PLA2G4A: variants seen among roughly 807,000 people sequenced by gnomAD.
The protein encoded by PLA2G4A is cytosolic phospholipase A2.
Under a neutral mutation model 81.9 loss-of-function variants are expected in PLA2G4A, and 40 were observed. The ratio of observed to expected loss-of-function variants is 0.49; its 90% CI spans 0.38 to 0.64. The LOEUF is 0.64. Ranked by LOEUF, PLA2G4A falls within the 30% of genes least tolerant of loss-of-function variation. The pLI is 0.00. For synonymous variants in PLA2G4A, 302 were observed against 296.9 expected (o/e 1.02, Z -0.18); for missense variants, 715 against 905.1 (o/e 0.79, Z 2.69).
Position 186,988,503 on chromosome 1 carries a change from G to A in PLA2G4A, c.2245G>A (p.Ala749Thr), listed in dbSNP as rs759005954. 10 of 1,611,436 alleles carry A rather than the reference G, an allele frequency of 6.2e-6. No individual in the cohort carries two copies. The highest frequency in any genetic ancestry group is 1.1e-5 in the South Asian group (1 of 90,976). Reference protein sequence around the residue: ...FNKEFLSKPKA With the variant: ...FNKEFLSKPKT ...CAAGGAGTTTCTAAGTAAACCCAAA[G>A]CATAGTTCATGTACTGGAAATGGCA... The change falls in exon 18 of 18, where the codon GCA becomes ACA. Residue 749 changes from alanine (A) to threonine (T), a missense_variant. Transcript: ENST00000367466.
chr1:186,984,345 C>G (rs889770075), intron 17 of PLA2G4A, among the ~76,000 whole-genome samples: 12 of 152,180 alleles, frequency 7.9e-5, no homozygotes, highest in African/African-American at 2.9e-4. Flanking sequence ...TTTCTAGGAC[C>G]TGTTAATTTG....
Position 186,880,728 on chromosome 1 carries a change from G to A in PLA2G4A, c.115+10212G>A, listed in dbSNP as rs12720522. Among the ~76,000 whole-genome samples the A allele has an allele frequency of 4.3e-3, 649 of 151,770 alleles. 3 individuals carry two copies. Among genetic ancestry groups the A allele is most frequent in the African/African-American group, 0.015 (619 of 41,416 alleles). The stretch of plus-strand genomic sequence containing the variant: ...TGAATAAATTAATATGTTTTATCAC[G>A]GTATATAAGAATTTCTGGAGAATTA... On this transcript the variant is annotated intron_variant, in intron 3 of 17. Transcript: ENST00000367466.
At chr1:186,962,316 T>C (rs11576330) in intron 14 of PLA2G4A, among the ~76,000 whole-genome samples, 17,689 of 151,926 alleles carry the variant, frequency 0.12, 1,142 homozygotes, top group Middle Eastern at 0.2. Flanking sequence ...GTTTCGCACA[T>C]CCACTGGGGG....
chr1:186,889,298 C>T (rs1194176144), intron 3 of PLA2G4A, among the ~76,000 whole-genome samples: 1 of 152,226 alleles, frequency 6.6e-6, no homozygotes, highest in African/African-American at 2.4e-5. Flanking sequence ...AGATGATCCA[C>T]ATCAGTGTCA....
At chr1:186,911,523 G>A in intron 7 of PLA2G4A, 134 bp downstream of exon 7, 1 of 724,968 alleles carries the variant, frequency 1.4e-6, no homozygotes, top group Non-Finnish European at 2.4e-6. Context: ...GGTAAGGTAA[G>A]TGATTTGTAA....
intron 3 of PLA2G4A, among the ~76,000 whole-genome samples, chr1:186,890,681 C>T (rs1017029696): frequency 2.0e-5 from 3 of 151,776 alleles, no homozygotes; most frequent in Non-Finnish European, 2.9e-5. Flanking sequence ...TGGTGTAACC[C>T]TGTCTCTACT....
chr1:186,966,026 AG>A (rs1657115120), intron 15 of PLA2G4A, among the ~76,000 whole-genome samples: 1 of 151,866 alleles, frequency 6.6e-6, no homozygotes, highest in African/African-American at 2.4e-5. Context: ...TATATTAACA[AG>A]GGGGTTTTTT....
intron 7 of PLA2G4A, among the ~76,000 whole-genome samples, chr1:186,931,129 C>T (rs1655730093): frequency 6.6e-6 from 1 of 152,170 alleles, no homozygotes; most frequent in South Asian, 2.1e-4. Flanking sequence ...CCCCTCCAGA[C>T]AAGCTTTTAA....
At chr1:186,879,172 T>A (rs764168693) in intron 3 of PLA2G4A, among the ~76,000 whole-genome samples, 1 of 151,870 alleles carries the variant, frequency 6.6e-6, no homozygotes, top group South Asian at 2.1e-4. Context: ...ACTTAATATA[T>A]CAATATATTT....
intron 2 of PLA2G4A, among the ~76,000 whole-genome samples, chr1:186,863,536 G>GT (rs1209606173): frequency 6.6e-6 from 1 of 152,046 alleles, no homozygotes; most frequent in African/African-American, 2.4e-5. Context: ...TATGCAGCAT[G>GT]TTACTATTAA....
chr1:186,901,734 T>A (rs977853024), intron 5 of PLA2G4A, among the ~76,000 whole-genome samples: 14 of 152,098 alleles, frequency 9.2e-5, no homozygotes, highest in African/African-American at 3.4e-4. Context: ...CATGAGATTA[T>A]CATCAAATGT....
intron 6 of PLA2G4A, among the ~76,000 whole-genome samples, chr1:186,907,499 C>A (rs981194533): frequency 6.6e-6 from 1 of 152,156 alleles, no homozygotes; most frequent in Admixed American, 6.5e-5. Context: ...AAATGGCCTC[C>A]AAAACTGAAC....
rs556617520 is a variant in PLA2G4A at position 186,956,030 on chromosome 1, G to A, written c.1337-72G>A. On this transcript the variant is annotated intron_variant, in intron 13 of 17. Transcript: ENST00000367466. ...GCTAGGATTACAGGCGTGAGCCACC[G>A]TGCCCAGCCCAAAGATCCCTTTTTA... 7.7e-5 allele frequency: 108 copies of A among 1,400,804 alleles called. No individual in the cohort carries two copies. The Middle Eastern group carries it at 8.0e-4, about 10-fold the overall frequency. 86.8% of individuals were successfully genotyped at this position (1,400,804 alleles called of 1,614,324 possible).
At chr1:186,888,636 C>T (rs957526382) in intron 3 of PLA2G4A, among the ~76,000 whole-genome samples, 2 of 152,186 alleles carry the variant, frequency 1.3e-5, no homozygotes, top group Admixed American at 6.6e-5. Flanking sequence ...TGACTCACTT[C>T]CATAATCCGA....
At chr1:186,870,982 C>T (rs1157103590) in intron 3 of PLA2G4A, among the ~76,000 whole-genome samples, 8 of 152,234 alleles carry the variant, frequency 5.3e-5, no homozygotes, top group Non-Finnish European at 7.4e-5. Context: ...TTTCTTGTGA[C>T]GTACACATCT....
intron 2 of PLA2G4A, among the ~76,000 whole-genome samples, chr1:186,863,688 C>A (rs1412960001): frequency 6.6e-6 from 1 of 152,010 alleles, no homozygotes; most frequent in Non-Finnish European, 1.5e-5. Flanking sequence ...CTCTCTACTT[C>A]TATGGCATCA....
At chr1:186,950,329 AG>A (rs1486958614) in intron 12 of PLA2G4A, among the ~76,000 whole-genome samples, 13 of 152,158 alleles carry the variant, frequency 8.5e-5, no homozygotes, top group African/African-American at 3.1e-4. Context: ...ATAAAGAAAA[AG>A]GCATATTTTT....
chr1:186,967,228 G>A (rs980334405), intron 15 of PLA2G4A, among the ~76,000 whole-genome samples: 3 of 152,108 alleles, frequency 2.0e-5, no homozygotes, highest in Non-Finnish European at 4.4e-5. Context: ...CATGTTCAAA[G>A]TGCTTTCATA....
At chr1:186,850,686 C>CT (rs1402102924) in intron 1 of PLA2G4A, among the ~76,000 whole-genome samples, 1 of 152,030 alleles carries the variant, frequency 6.6e-6, no homozygotes, top group African/African-American at 2.4e-5. Context: ...ATTATTACAG[C>CT]TTTTAACACA....
Sources: allele counts gnomAD v4.1 joint callset (sites outside exome capture counted in the v4.1 genomes callset), GRCh38; gene constraint gnomAD v4.1.1; transcripts MANE v1.5; gene names NCBI Gene and HGNC (gene_info 2026-07-23, HGNC 2026-07-21).